ADAMTSL3: variants seen among roughly 807,000 people sequenced by gnomAD.
ADAMTSL3 encodes the protein ADAMTS like 3, also known as ADAMTS-like protein 3.
A neutral mutation model predicts 201.7 loss-of-function variants in ADAMTSL3; 128 were observed. The ratio of observed to expected loss-of-function variants is 0.63; its 90% CI spans 0.55 to 0.73. The LOEUF (loss-of-function observed/expected upper bound fraction) is 0.73. Ranked by LOEUF, ADAMTSL3 falls within the 30% of genes least tolerant of loss-of-function variation. ADAMTSL3 has a pLI of 0.00. For missense variants in ADAMTSL3, 1,990 were observed against 2,119.6 expected, an observed-to-expected ratio of 0.94 and a Z score of 1.20; for synonymous variants, 738 against 748.4, an observed-to-expected ratio of 0.99 and a Z score of 0.23.
chr15:83,933,360 G>A (rs1005796411), intron 17 of ADAMTSL3, among the ~76,000 whole-genome samples: 1 of 152,130 alleles, frequency 6.6e-6, no homozygotes, highest in Admixed American at 6.5e-5. Flanking sequence ...AACCAGAGGG[G>A]GTGATATAGG....
At chr15:83,823,200 G>A (rs2063924567) in intron 6 of ADAMTSL3, among the ~76,000 whole-genome samples, 1 of 130,142 alleles carries the variant, frequency 7.7e-6, no homozygotes, top group East Asian at 2.5e-4. Context: ...GAGGGAGAGG[G>A]TGAGGGAGAG....
chr15:83,669,925 CCTGAT>C (rs1217001248), intron 2 of ADAMTSL3, among the ~76,000 whole-genome samples: 1 of 151,714 alleles, frequency 6.6e-6, no homozygotes, highest in East Asian at 1.9e-4. Flanking sequence ...ATCAGGTCTC[CCTGAT>C]CTGCCACAGC....
chr15:83,800,680 G>T lies in ADAMTSL3; in HGVS notation c.318-3970G>T, dbSNP rs867305069. 2.6e-5 allele frequency among the ~76,000 whole-genome samples: 4 copies of T among 152,158 alleles called. 1 individual carries two copies. In the Middle Eastern group the frequency reaches 0.014, roughly 518 times the overall value. ...TCAACAAGTTTTGTATTCCAGTATT[G>T]CCATCAATTCAAATATTTTTTTTAA... On this transcript the variant is annotated intron_variant, in intron 4 of 29. Transcript: ENST00000286744.
chr15:83,786,333 G>T (rs1055171934), intron 4 of ADAMTSL3, among the ~76,000 whole-genome samples: 2 of 151,984 alleles, frequency 1.3e-5, no homozygotes, highest in African/African-American at 4.8e-5. Context: ...ATTTTTATGG[G>T]TACATAGGTG....
At chr15:83,722,792 T>C (rs965456844) in intron 3 of ADAMTSL3, among the ~76,000 whole-genome samples, 4 of 152,068 alleles carry the variant, frequency 2.6e-5, no homozygotes, top group African/African-American at 9.7e-5. Context: ...ATTCAGTAAG[T>C]GATATTGGAA....
At chr15:83,922,625 T>G (rs1179893222) in intron 16 of ADAMTSL3, among the ~76,000 whole-genome samples, 2 of 152,238 alleles carry the variant, frequency 1.3e-5, no homozygotes, top group Non-Finnish European at 2.9e-5. Flanking sequence ...ATGTTTATTT[T>G]AAAAGTTCAT....
chr15:83,881,676 G>A (rs1435065153), intron 9 of ADAMTSL3, among the ~76,000 whole-genome samples: 4 of 151,556 alleles, frequency 2.6e-5, no homozygotes, highest in Admixed American at 2.6e-4. Context: ...CTGACATGGA[G>A]AAACTGCATC....
At chr15:83,806,489 G>C (rs1235861584) in intron 5 of ADAMTSL3, among the ~76,000 whole-genome samples, 1 of 152,188 alleles carries the variant, frequency 6.6e-6, no homozygotes, top group Non-Finnish European at 1.5e-5. Flanking sequence ...TTAGGGAAAA[G>C]TCTTTCCTTA....
In ADAMTSL3 at chr15:83,714,791, T is replaced by TTCTTTCTTTTTCTTTCTC. The variant is rs1555433213; in HGVS notation, c.189+10286_189+10287insTTCTTTTTCTTTCTCTCT. Reference sequence around the variant, plus strand: ...TCTTTCTTTCTTTCTTTCTTTTTCTTTCTCTCTCTTTCTTTCTTCTTTCTT... The same window carrying TTCTTTCTTTTTCTTTCTC: ...TCTTTCTTTCTTTCTTTCTTTTTCTTTCTTTCTTTTTCTTTCTCTCTCTCTCTTTCTTTCTTCTTTCTT... On this transcript the variant is annotated intron_variant, in intron 3 of 29. Coordinates refer to ENST00000286744, the MANE Select transcript of ADAMTSL3 (RefSeq NM_207517.3). 6.6e-3 allele frequency among the ~76,000 whole-genome samples: 520 copies of TTCTTTCTTTTTCTTTCTC among 78,900 alleles called. 36 individuals carry two copies. The highest frequency in any genetic ancestry group is 9.9e-3 in the Non-Finnish European group (383 of 38,630). The allele number at this position is 78,900 out of a possible 152,430, so 51.8% of individuals were successfully genotyped here. A position where few individuals can be genotyped will look rare whatever the true frequency, so the allele number is the denominator to read the frequency against.
chr15:83,977,905 C>A (rs1209382077), intron 20 of ADAMTSL3, among the ~76,000 whole-genome samples: 1 of 152,212 alleles, frequency 6.6e-6, no homozygotes, highest in Non-Finnish European at 1.5e-5. Flanking sequence ...CTCCTCTCAG[C>A]CCACTGTGTT....
intron 8 of ADAMTSL3, among the ~76,000 whole-genome samples, chr15:83,867,370 A>C (rs1277876917): frequency 6.6e-6 from 1 of 152,202 alleles, no homozygotes; most frequent in African/African-American, 2.4e-5. Flanking sequence ...CACAGCCCCA[A>C]ATTTTCCAGG....
At chr15:83,913,952 A>G (rs1374785918) in intron 16 of ADAMTSL3, among the ~76,000 whole-genome samples, 1 of 152,206 alleles carries the variant, frequency 6.6e-6, no homozygotes, top group African/African-American at 2.4e-5. Context: ...TGATTTATAC[A>G]ATCTAGGATC....
chr15:83,904,671 C>T (rs2065800697), intron 15 of ADAMTSL3, among the ~76,000 whole-genome samples: 1 of 152,216 alleles, frequency 6.6e-6, no homozygotes, highest in Non-Finnish European at 1.5e-5. Context: ...AATGTGTTGA[C>T]AGTTGATATG....
At chr15:83,923,040 C>G (rs913962038) in intron 16 of ADAMTSL3, among the ~76,000 whole-genome samples, 2 of 152,094 alleles carry the variant, frequency 1.3e-5, no homozygotes, top group Admixed American at 1.3e-4. Context: ...GCTTTGGGGT[C>G]AGACAGACCT....
chr15:83,899,420 TG>T lies in ADAMTSL3; in HGVS notation c.1616-226del, dbSNP rs67203616. On this transcript the variant is annotated intron_variant, in intron 14 of 29. Coordinates refer to ENST00000286744, the MANE Select transcript of ADAMTSL3 (RefSeq NM_207517.3). ...TTTGACAGCATTTTCAACTGTATCA[TG>T]TGATCATTTTGGTTGCATTTTAATA... Among the ~76,000 whole-genome samples, 95,191 of 151,382 alleles carry T rather than the reference TG, an allele frequency of 0.63. 30,910 individuals are homozygous for T. The highest frequency in any genetic ancestry group is 0.8 in the African/African-American group (32,598 of 40,968).
In ADAMTSL3 at chr15:83,807,013, G is replaced by A. The variant is rs149618981; in HGVS notation, c.363+2318G>A. ...AAGAATTCAAAGTAGTGATCTTAGG[G>A]AAACTTGTGAGATACAGAAGAACAC... is the stretch of plus-strand genomic sequence containing the variant. On this transcript the variant is annotated intron_variant, in intron 5 of 29. Coordinates refer to ENST00000286744, the MANE Select transcript of ADAMTSL3 (RefSeq NM_207517.3). 5.7e-3 allele frequency among the ~76,000 whole-genome samples: 865 copies of A among 152,258 alleles called. 11 individuals are homozygous for A. The highest frequency in any genetic ancestry group is 0.027 in the Middle Eastern group (8 of 294).
intron 3 of ADAMTSL3, among the ~76,000 whole-genome samples, chr15:83,709,085 T>A (rs910094883): frequency 6.6e-6 from 1 of 152,208 alleles, no homozygotes; most frequent in Non-Finnish European, 1.5e-5. Flanking sequence ...GCTTTGGGGA[T>A]CTTAATAGAC....
rs566362737 is a variant in ADAMTSL3, at chr15:83,752,098, C to T, written c.190-21425C>T. ...AAGAAAATATTAAGTGTTATGAAAACAACAAAATGAAAAGAGAATGAAGAG... is the reference window on the plus strand; with the variant it reads ...AAGAAAATATTAAGTGTTATGAAAATAACAAAATGAAAAGAGAATGAAGAG... On this transcript the variant is annotated intron_variant, in intron 3 of 29. Coordinates refer to ENST00000286744, the MANE Select transcript of ADAMTSL3 (RefSeq NM_207517.3). 2.8e-4 allele frequency among the ~76,000 whole-genome samples: 42 copies of T among 152,152 alleles called. No homozygotes were observed. The South Asian group carries it at 8.5e-3, about 31-fold the overall frequency.
chr15:83,858,474 G>A (rs539360547), intron 7 of ADAMTSL3, among the ~76,000 whole-genome samples: 1 of 152,272 alleles, frequency 6.6e-6, no homozygotes, highest in Admixed American at 6.5e-5. Context: ...CTGGGTTCCA[G>A]CAATTCTCCT....
Sources: allele counts gnomAD v4.1 joint callset (sites outside exome capture counted in the v4.1 genomes callset), GRCh38; gene constraint gnomAD v4.1.1; transcripts MANE v1.5; gene names NCBI Gene and HGNC (gene_info 2026-07-23, HGNC 2026-07-21).